The following SPOCK3 variants were observed in gnomAD, a reference collection of about 807,000 sequenced individuals.
SPOCK3 encodes SPARC (osteonectin), cwcv and kazal like domains proteoglycan 3.
Under a neutral mutation model 56.6 loss-of-function variants are expected in SPOCK3, and 30 were observed. That is an observed-to-expected ratio of 0.53 (90% CI 0.40 to 0.72). SPOCK3 has a LOEUF of 0.72. Ranked by LOEUF, SPOCK3 falls within the 30% of genes least tolerant of loss-of-function variation. SPOCK3 has a pLI of 0.00. For missense variants in SPOCK3, 527 were observed against 530.0 expected (o/e 0.99, Z 0.06); for synonymous variants, 196 against 183.3 (o/e 1.07, Z -0.56).
chr4:166,851,720 AT>A (rs545657093), intron 6 of SPOCK3, among the ~76,000 whole-genome samples: 49 of 151,978 alleles, frequency 3.2e-4, no homozygotes, highest in African/African-American at 1.1e-3. Flanking sequence ...TAGTTCAACC[AT>A]TGTGGAAGTC....
rs1560926835 is a variant in SPOCK3 at position 166,847,682 on chromosome 4, A to ATATATATATAT, written c.589+41447_589+41448insATATATATATA. ...ATATATATATATATATATATATATA[A>ATATATATATAT]GAATCATGTTTACTTTTTTTTACAG... On this transcript the variant is annotated intron_variant, in intron 6 of 10. Coordinates refer to ENST00000357545, the MANE Select transcript of SPOCK3 (RefSeq NM_001040159.2). Among the ~76,000 whole-genome samples, 121 of 27,210 alleles carry ATATATATATAT rather than the reference A, an allele frequency of 4.4e-3. 7 individuals carry two copies. The highest frequency in any genetic ancestry group is 0.021 in the Middle Eastern group (1 of 48). 17.9% of individuals were successfully genotyped at this position (27,210 alleles called of 152,430 possible).
chr4:167,066,513 C>T (rs1756150713), intron 2 of SPOCK3, among the ~76,000 whole-genome samples: 1 of 151,802 alleles, frequency 6.6e-6, no homozygotes, highest in Non-Finnish European at 1.5e-5. Flanking sequence ...CTACTAGTAA[C>T]AGATTTTCTC....
intron 2 of SPOCK3, among the ~76,000 whole-genome samples, chr4:167,081,182 C>T (rs901835188): frequency 2.0e-5 from 3 of 151,926 alleles, no homozygotes; most frequent in African/African-American, 7.2e-5. Context: ...AGTTCTAGCT[C>T]AACAACTAAC....
intron 4 of SPOCK3, among the ~76,000 whole-genome samples, chr4:166,923,268 C>T (rs1298836816): frequency 2.0e-5 from 3 of 152,204 alleles, no homozygotes; most frequent in African/African-American, 4.8e-5. Context: ...ATTTAGGTCT[C>T]ACCCTGATAA....
intron 7 of SPOCK3, among the ~76,000 whole-genome samples, chr4:166,779,993 T>A (rs769219905): frequency 2.0e-5 from 3 of 152,042 alleles, no homozygotes; most frequent in Non-Finnish European, 4.4e-5. Flanking sequence ...AACCCAATAA[T>A]CTCCATTCAT....
At chr4:167,142,915 C>A (rs1763651303) in intron 2 of SPOCK3, among the ~76,000 whole-genome samples, 1 of 151,766 alleles carries the variant, frequency 6.6e-6, no homozygotes, top group Admixed American at 6.6e-5. Flanking sequence ...ACAAAACAAC[C>A]AGGTCCTCAT....
At chr4:166,937,095 G>C (rs1367529702) in intron 4 of SPOCK3, among the ~76,000 whole-genome samples, 1 of 151,954 alleles carries the variant, frequency 6.6e-6, no homozygotes, top group Non-Finnish European at 1.5e-5. Flanking sequence ...AAATAGTTGA[G>C]ATTTGCTTTA....
At chr4:167,212,485 C>T (rs1159425717) in intron 2 of SPOCK3, among the ~76,000 whole-genome samples, 6 of 152,118 alleles carry the variant, frequency 3.9e-5, no homozygotes, top group East Asian at 1.9e-4. Flanking sequence ...TCATGATCCA[C>T]CCGCCTCGGC....
At chr4:166,984,951 G>A (rs1010644104) in intron 4 of SPOCK3, among the ~76,000 whole-genome samples, 3 of 152,046 alleles carry the variant, frequency 2.0e-5, no homozygotes, top group South Asian at 2.1e-4. Flanking sequence ...ACCAAAGTGA[G>A]TTTGGCTTGG....
At chr4:167,042,857 C>T (rs1322812575) in intron 3 of SPOCK3, among the ~76,000 whole-genome samples, 1 of 152,036 alleles carries the variant, frequency 6.6e-6, no homozygotes, top group Non-Finnish European at 1.5e-5. Flanking sequence ...TAAGTCATGC[C>T]AATAAGTGGG....
intron 4 of SPOCK3, among the ~76,000 whole-genome samples, chr4:166,999,044 T>G (rs908781619): frequency 6.6e-6 from 1 of 152,162 alleles, no homozygotes; most frequent in Non-Finnish European, 1.5e-5. Context: ...GGGGGATATG[T>G]TACTGATAAC....
At chr4:167,198,610 A>T (rs1733197950) in intron 2 of SPOCK3, among the ~76,000 whole-genome samples, 1 of 152,148 alleles carries the variant, frequency 6.6e-6, no homozygotes, top group Admixed American at 6.6e-5. Flanking sequence ...AGGAAAGAAC[A>T]TACTTTTTTG....
At chr4:166,770,728 G>A (rs929717458) in intron 7 of SPOCK3, among the ~76,000 whole-genome samples, 14 of 152,142 alleles carry the variant, frequency 9.2e-5, no homozygotes, top group Non-Finnish European at 1.6e-4. Flanking sequence ...GGTAGAGATT[G>A]TCAGACCAGA....
intron 6 of SPOCK3, among the ~76,000 whole-genome samples, chr4:166,807,434 C>T (rs982362752): frequency 2.0e-5 from 3 of 151,998 alleles, no homozygotes; most frequent in South Asian, 2.1e-4. Flanking sequence ...CAAAGTCATG[C>T]GTGGAGCACT....
At chr4:166,754,836 A>G in intron 7 of SPOCK3, 107 bp from the exon 8 acceptor site, 1 of 916,586 alleles carries the variant, frequency 1.1e-6, no homozygotes, top group Non-Finnish European at 1.7e-6. Flanking sequence ...TCTAATGAAT[A>G]GTTAGAGAAG....
chr4:167,110,671 G>A (rs1181626502), intron 2 of SPOCK3, among the ~76,000 whole-genome samples: 1 of 151,934 alleles, frequency 6.6e-6, no homozygotes, highest in Non-Finnish European at 1.5e-5. Flanking sequence ...CCTATTATGA[G>A]TAAGGAAGTA....
chr4:166,821,424 A>T (rs1744928272), intron 6 of SPOCK3, among the ~76,000 whole-genome samples: 8 of 151,976 alleles, frequency 5.3e-5, no homozygotes. Flanking sequence ...TTGCTGTATG[A>T]CTCAACAATC....
intron 6 of SPOCK3, among the ~76,000 whole-genome samples, chr4:166,824,120 C>G (rs1473189853): frequency 1.3e-5 from 2 of 151,992 alleles, no homozygotes; most frequent in Non-Finnish European, 2.9e-5. Flanking sequence ...GATAGTGACC[C>G]CTGGGAGCCA....
intron 7 of SPOCK3, among the ~76,000 whole-genome samples, chr4:166,767,007 T>C (rs1345487086): frequency 6.6e-6 from 1 of 152,208 alleles, no homozygotes; most frequent in East Asian, 1.9e-4. Flanking sequence ...TGATGGTAGT[T>C]TGTATTTCTG....
Sources: gnomAD v4.1 joint callset for allele counts (sites outside exome capture counted in the v4.1 genomes callset) on GRCh38, gnomAD v4.1.1 for gene constraint, MANE v1.5 for transcripts, NCBI Gene and HGNC (gene_info 2026-07-23, HGNC 2026-07-21) for gene names.